The following KSR2 variants were observed in gnomAD, a reference collection of about 807,000 sequenced individuals.
The protein encoded by KSR2 is kinase suppressor of ras 2.
A neutral mutation model predicts 107.8 loss-of-function variants in KSR2; 25 were observed. The ratio of observed to expected loss-of-function variants is 0.23; its 90% CI spans 0.17 to 0.32. KSR2 has a LOEUF of 0.32. Among genes scored for constraint, KSR2 ranks in the 10% least tolerant of loss-of-function variants. KSR2 has a pLI of 1.00. For missense variants in KSR2, 887 were observed against 1,268.9 expected (o/e 0.70, Z 4.57); for synonymous variants, 480 against 507.0 (o/e 0.95, Z 0.71).
chr12:117,479,131 T>A (rs575448158), intron 16 of KSR2, among the ~76,000 whole-genome samples: 2 of 152,278 alleles, frequency 1.3e-5, no homozygotes, highest in South Asian at 4.1e-4. Flanking sequence ...TTCTTTAAGA[T>A]CTCTTTCATA....
intron 8 of KSR2, among the ~76,000 whole-genome samples, chr12:117,556,072 C>T (rs979495780): frequency 5.9e-5 from 9 of 152,120 alleles, no homozygotes; most frequent in Non-Finnish European, 1.3e-4. Context: ...GCCTGAGCTG[C>T]CATCACCATG....
At chr12:117,556,110 C>A (rs1718769019) in intron 8 of KSR2, among the ~76,000 whole-genome samples, 1 of 152,032 alleles carries the variant, frequency 6.6e-6, no homozygotes, top group South Asian at 2.1e-4. Context: ...CAACTTCCAA[C>A]CAACGGAGAG....
At position 117,464,440 on chromosome 12, in the gene KSR2, G is replaced by A. The variant is rs1871053515; in HGVS notation, c.*2759C>T. ...TGTCATTGTATAGAATGAGTTGCAG[G>A]TGAGGCTGGTAATTATGATGTAAAA... On this transcript the variant is annotated 3_prime_UTR_variant, in exon 20 of 20. Transcript: ENST00000339824. 1 of 152,214 alleles carries A rather than the reference G, an allele frequency of 6.6e-6. No individual in the cohort carries two copies. The highest frequency in any genetic ancestry group is 2.4e-5 in the African/African-American group (1 of 41,456). The allele number at this position is 152,214 out of a possible 1,614,324, so 9.4% of individuals were successfully genotyped here.
intron 3 of KSR2, among the ~76,000 whole-genome samples, chr12:117,846,486 A>G (rs1311322108): frequency 3.3e-5 from 5 of 151,512 alleles, no homozygotes; most frequent in Non-Finnish European, 7.4e-5. Flanking sequence ...ATTTTTTTGT[A>G]CAGATGGGGT....
At chr12:117,748,470 T>C (rs1888493683) in intron 4 of KSR2, among the ~76,000 whole-genome samples, 1 of 152,108 alleles carries the variant, frequency 6.6e-6, no homozygotes, top group East Asian at 1.9e-4. Context: ...AAATAATAAG[T>C]ATGTAAGATG....
chr12:117,604,322 G>A (rs1026587436), intron 5 of KSR2, among the ~76,000 whole-genome samples: 8 of 152,076 alleles, frequency 5.3e-5, no homozygotes, highest in African/African-American at 1.9e-4. Flanking sequence ...CCACCCTGCC[G>A]GCTGCAAAGC....
chr12:117,913,788 G>T (rs1447069538), intron 1 of KSR2, among the ~76,000 whole-genome samples: 1 of 152,138 alleles, frequency 6.6e-6, no homozygotes. Context: ...GTTGTATGAA[G>T]CCACCCAGTT....
chr12:117,749,741 T>G (rs1384476673), intron 4 of KSR2, among the ~76,000 whole-genome samples: 3 of 152,190 alleles, frequency 2.0e-5, no homozygotes, highest in African/African-American at 7.2e-5. Flanking sequence ...TTTAGAAAGC[T>G]AAACATATTT....
chr12:117,908,571 C>A (rs1050832214), intron 1 of KSR2, among the ~76,000 whole-genome samples: 1 of 152,150 alleles, frequency 6.6e-6, no homozygotes, highest in African/African-American at 2.4e-5. Flanking sequence ...AACAGAGAAT[C>A]CACAGTGATT....
intron 16 of KSR2, among the ~76,000 whole-genome samples, chr12:117,480,174 G>GGGGGT (rs2137131852): frequency 6.6e-6 from 1 of 152,184 alleles, no homozygotes; most frequent in African/African-American, 2.4e-5. Flanking sequence ...CTGGGCCACT[G>GGGGGT]GGGGTGGGGT....
At chr12:117,722,014 A>G (rs1823111) in intron 4 of KSR2, among the ~76,000 whole-genome samples, 59,546 of 151,710 alleles carry the variant, frequency 0.39, 11,860 homozygotes, top group Middle Eastern at 0.5. Context: ...GCGCAACTGA[A>G]GAATTAAATG....
rs893876727 is a variant in KSR2 at position 117,466,513 on chromosome 12, C to T, written c.*686G>A. ...CCAGAGAGACCCAGAACTCAAAAGACGTTCTAACTTTCCTACTGTACTTCA... is the reference window on the plus strand; with the variant it reads ...CCAGAGAGACCCAGAACTCAAAAGATGTTCTAACTTTCCTACTGTACTTCA... On this transcript the variant is annotated 3_prime_UTR_variant, in exon 20 of 20. Transcript: ENST00000339824. The T allele has an allele frequency of 6.6e-6, 1 of 152,226 alleles. No homozygotes were observed. Among genetic ancestry groups the T allele is most frequent in the Non-Finnish European group, 1.5e-5 (1 of 68,060 alleles). 9.4% of individuals were successfully genotyped at this position (152,226 alleles called of 1,614,324 possible). A position where few individuals can be genotyped will look rare whatever the true frequency, so the allele number is the denominator to read the frequency against.
At chr12:117,957,849 TTA>T (rs1491215980) in intron 1 of KSR2, among the ~76,000 whole-genome samples, 4 of 117,374 alleles carry the variant, frequency 3.4e-5, no homozygotes, top group African/African-American at 1.3e-4. Flanking sequence ...TTTTTTTTTT[TTA>T]AACTGAGTCT....
At chr12:117,734,280 CAAA>C (rs10541802) in intron 4 of KSR2, among the ~76,000 whole-genome samples, 37,524 of 103,008 alleles carry the variant, frequency 0.36, 5,282 homozygotes, top group African/African-American at 0.47. Flanking sequence ...GACTCTGTCT[CAAA>C]AAAAAAAAAA....
At chr12:117,577,053 G>T (rs1376194309) in intron 7 of KSR2, among the ~76,000 whole-genome samples, 1 of 152,140 alleles carries the variant, frequency 6.6e-6, no homozygotes, top group Non-Finnish European at 1.5e-5. Context: ...CTGCCAGGTG[G>T]AGGATATGGA....
At chr12:117,825,567 A>T (rs582802) in intron 3 of KSR2, among the ~76,000 whole-genome samples, 12,033 of 152,184 alleles carry the variant, frequency 0.079, 654 homozygotes, top group Non-Finnish European at 0.12. Flanking sequence ...TTTGTCAGGA[A>T]GACCTTCCCT....
At chr12:117,715,049 A>AT (rs1486593022) in intron 4 of KSR2, among the ~76,000 whole-genome samples, 1 of 152,092 alleles carries the variant, frequency 6.6e-6, no homozygotes, top group East Asian at 1.9e-4. Context: ...GTGAGCAGGT[A>AT]TTTTGGGGAT....
intron 14 of KSR2, among the ~76,000 whole-genome samples, chr12:117,487,707 C>G (rs1410637922): frequency 2.0e-5 from 3 of 152,202 alleles, no homozygotes; most frequent in African/African-American, 7.2e-5. Context: ...GGCTCCAAGA[C>G]TCCCTGGACT....
At chr12:117,843,232 G>A (rs1027997628) in intron 3 of KSR2, among the ~76,000 whole-genome samples, 5 of 152,088 alleles carry the variant, frequency 3.3e-5, no homozygotes, top group Admixed American at 6.6e-5. Context: ...GAGGGAGAGA[G>A]GAAGGGAAAT....
Sources: gnomAD v4.1 joint callset for allele counts (sites outside exome capture counted in the v4.1 genomes callset) on GRCh38, gnomAD v4.1.1 for gene constraint, MANE v1.5 for transcripts, NCBI Gene and HGNC (gene_info 2026-07-23, HGNC 2026-07-21) for gene names.